Variants in GPHN observed in about 807,000 individuals in gnomAD.
GPHN encodes the protein gephyrin.
A neutral mutation model predicts 95.5 loss-of-function variants in GPHN; 17 were observed. The ratio of observed to expected loss-of-function variants is 0.18; its 90% CI spans 0.12 to 0.27. The LOEUF (loss-of-function observed/expected upper bound fraction) is 0.27. Among genes scored for constraint, GPHN ranks in the 10% least tolerant of loss-of-function variants. The pLI, the probability that GPHN is intolerant of heterozygous loss-of-function variation, is 1.00. For synonymous variants in GPHN, 320 were observed against 322.5 expected, an observed-to-expected ratio of 0.99 and a Z score of 0.08; for missense variants, 660 against 978.1, an observed-to-expected ratio of 0.67 and a Z score of 4.34.
the GPHN span, among the ~76,000 whole-genome samples, chr14:67,599,752 G>A: frequency 2.0e-5 from 3 of 152,136 alleles, no homozygotes; most frequent in Non-Finnish European, 4.4e-5. Context: ...AGGCCGTCGC[G>A]CAAGAACTAG....
chr14:66,785,158 G>T (rs562910197), intron 3 of GPHN, among the ~76,000 whole-genome samples: 1 of 152,038 alleles, frequency 6.6e-6, no homozygotes, highest in Non-Finnish European at 1.5e-5. Context: ...ACCTGAGGTC[G>T]GGAGTTCTAG....
At chr14:67,635,309 G>C in the GPHN span, among the ~76,000 whole-genome samples, 1 of 152,248 alleles carries the variant, frequency 6.6e-6, no homozygotes, top group African/African-American at 2.4e-5. Flanking sequence ...ATAAAATTCA[G>C]ATCTCTGCAT....
At chr14:67,734,029 T>C in the GPHN span, 1 of 551,738 alleles carries the variant, frequency 1.8e-6, no homozygotes, top group Non-Finnish European at 3.4e-6. Flanking sequence ...GAGACTGGCT[T>C]ATGGCATGAG....
At chr14:67,508,183 A>G in the GPHN span, among the ~76,000 whole-genome samples, 1 of 150,622 alleles carries the variant, frequency 6.6e-6, no homozygotes, top group South Asian at 2.1e-4. Context: ...CCTTCTTGAG[A>G]AGGGACTTCC....
the GPHN span, among the ~76,000 whole-genome samples, chr14:67,673,487 G>A: frequency 5.3e-4 from 81 of 152,152 alleles, no homozygotes; most frequent in African/African-American, 1.9e-3. Flanking sequence ...GGGGATGTTC[G>A]TATCTTTTTC....
In GPHN at chr14:66,536,585, GTC is replaced by G. The variant is rs1011143731; in HGVS notation, c.64+28002_64+28003del. Among the ~76,000 whole-genome samples the G allele has an allele frequency of 6.6e-5, 10 of 152,154 alleles. No individual in the cohort carries two copies. The East Asian group carries it at 1.4e-3, about 21-fold the overall frequency. Reference sequence around the variant, plus strand: ...TTAGCCTTGTAAAAAGAATTGGGAAGTCTCTCTCTGTTTTATTTCAAAGTGTT... The same window carrying G: ...TTAGCCTTGTAAAAAGAATTGGGAAGTCTCTCTGTTTTATTTCAAAGTGTT... On this transcript the variant is annotated intron_variant, in intron 1 of 22. Transcript: ENST00000478722.
chr14:67,264,828 C>G, the GPHN span, among the ~76,000 whole-genome samples: 1 of 151,890 alleles, frequency 6.6e-6, no homozygotes, highest in African/African-American at 2.4e-5. Flanking sequence ...TGCTTTTTGC[C>G]AGAAATGCAA....
At chr14:66,508,626 T>C in intron 1 of GPHN, 35 bp downstream of exon 1, 1 of 1,542,282 alleles carries the variant, frequency 6.5e-7, no homozygotes, top group Non-Finnish European at 9.0e-7. Context: ...CCTATGAGGC[T>C]GCTGTCCCTG....
the GPHN span, chr14:67,574,473 C>T: frequency 2.2e-5 from 28 of 1,290,302 alleles, no homozygotes; most frequent in Admixed American, 3.2e-5. The surrounding 1 kb of genome is among the most constrained non-coding windows in gnomAD (Gnocchi z 4.2). Flanking sequence ...ATTGGGGTGC[C>T]GAGGGTGGTG....
chr14:67,548,905 A>G, the GPHN span, among the ~76,000 whole-genome samples: 1 of 152,074 alleles, frequency 6.6e-6, no homozygotes, highest in East Asian at 1.9e-4. Context: ...TAGTTCAGAA[A>G]TTTTTCTGAG....
the GPHN span, among the ~76,000 whole-genome samples, chr14:67,546,484 G>A: frequency 2.6e-5 from 4 of 152,132 alleles, no homozygotes; most frequent in African/African-American, 9.7e-5. Flanking sequence ...TCCCCATCCT[G>A]GGTTCAAGCG....
chr14:66,759,470 T>C (rs553457352), intron 2 of GPHN, among the ~76,000 whole-genome samples: 1 of 152,362 alleles, frequency 6.6e-6, no homozygotes, highest in African/African-American at 2.4e-5. Flanking sequence ...ATTGCACTGA[T>C]GCAAATAACA....
chr14:66,801,958 A>G (rs2060370882), intron 3 of GPHN, among the ~76,000 whole-genome samples: 4 of 152,090 alleles, frequency 2.6e-5, no homozygotes, highest in Non-Finnish European at 5.9e-5. Context: ...TGCTAGAACC[A>G]CTTTCTGGCT....
chr14:67,374,219 C>T, the GPHN span, among the ~76,000 whole-genome samples: 1 of 152,076 alleles, frequency 6.6e-6, no homozygotes, highest in Non-Finnish European at 1.5e-5. Context: ...TTTTCAGATT[C>T]GGGATGCTCT....
chr14:67,274,292 T>C, the GPHN span, among the ~76,000 whole-genome samples: 2 of 152,304 alleles, frequency 1.3e-5, no homozygotes, highest in Admixed American at 6.5e-5. Flanking sequence ...CTTGAATTAA[T>C]TTTTGTATAA....
At chr14:67,451,522 A>C in the GPHN span, among the ~76,000 whole-genome samples, 1 of 152,210 alleles carries the variant, frequency 6.6e-6, no homozygotes, top group Admixed American at 6.5e-5. Flanking sequence ...TCTGGATGTG[A>C]GACATGGAAT....
In GPHN at chr14:66,666,765, A is replaced by G. The variant is rs770735524; in HGVS notation, c.65-14342A>G. Reference sequence around the variant, plus strand: ...CTCTCTCACCGCTCCTGTTCAACATAGTATTGGAATTTCTGGCCAGAGCAA... The same window carrying G: ...CTCTCTCACCGCTCCTGTTCAACATGGTATTGGAATTTCTGGCCAGAGCAA... On this transcript the variant is annotated intron_variant, in intron 1 of 22. Coordinates refer to ENST00000478722, the MANE Select transcript of GPHN (RefSeq NM_020806.5). 5.3e-5 allele frequency among the ~76,000 whole-genome samples: 8 copies of G among 152,338 alleles called. No individual in the cohort carries two copies. The South Asian group carries it at 1.7e-3, about 32-fold the overall frequency.
the GPHN span, chr14:67,646,601 A>C: frequency 6.8e-7 from 1 of 1,470,340 alleles, no homozygotes; most frequent in Non-Finnish European, 9.5e-7. Flanking sequence ...CTTGGTGAGA[A>C]CAAGAATTCT....
chr14:67,022,361 T>C (rs1333208513), intron 9 of GPHN, among the ~76,000 whole-genome samples: 1 of 151,916 alleles, frequency 6.6e-6, no homozygotes, highest in East Asian at 1.9e-4. Flanking sequence ...CCCTGTATTA[T>C]TTTCTTTAAG....
Sources: allele counts gnomAD v4.1 joint callset (sites outside exome capture counted in the v4.1 genomes callset), GRCh38; gene constraint gnomAD v4.1.1; non-coding constraint Gnocchi (gnomAD v3.1); transcripts MANE v1.5; gene names NCBI Gene and HGNC (gene_info 2026-07-23, HGNC 2026-07-21).